The following NKAIN3 variants were observed in gnomAD, a reference collection of about 807,000 sequenced individuals.
The protein encoded by NKAIN3 is sodium/potassium-transporting ATPase subunit beta-1-interacting protein 3.
Under a neutral mutation model 30.2 loss-of-function variants are expected in NKAIN3, and 25 were observed. The ratio of observed to expected loss-of-function variants is 0.83; its 90% CI spans 0.60 to 1.16. NKAIN3 has a LOEUF of 1.16. NKAIN3 is among the 50% of genes most tolerant of loss of function. The probability of loss-of-function intolerance (pLI) is 0.00; values close to 1 mark genes in which losing one functional copy is unlikely to be tolerated. For missense variants in NKAIN3, 225 were observed against 254.1 expected (o/e 0.89, Z 0.78); for synonymous variants, 91 against 89.6 (o/e 1.02, Z -0.09).
chr8:62,855,845 G>C (rs754441586), intron 4 of NKAIN3: 1 of 793,504 alleles, frequency 1.3e-6, no homozygotes, highest in Non-Finnish European at 2.3e-6. Context: ...GAAATTTCTG[G>C]TCATCCAACT....
downstream of NKAIN3, among the ~76,000 whole-genome samples, chr8:62,987,941 T>C (rs955986493): frequency 1.3e-5 from 2 of 152,154 alleles, no homozygotes; most frequent in African/African-American, 4.8e-5. Flanking sequence ...ACTTTCTAGA[T>C]ACAAGGGGAG....
chr8:62,906,872 G>C (rs981212089), intron 4 of NKAIN3, among the ~76,000 whole-genome samples: 1 of 152,176 alleles, frequency 6.6e-6, no homozygotes, highest in Non-Finnish European at 1.5e-5. Context: ...GACTAATACA[G>C]TAAATTGGTG....
At chr8:62,650,243 T>C (rs1194583409) in intron 3 of NKAIN3, among the ~76,000 whole-genome samples, 1 of 152,182 alleles carries the variant, frequency 6.6e-6, no homozygotes, top group Non-Finnish European at 1.5e-5. Flanking sequence ...ACATTTCTCT[T>C]ATCAACCCTT....
At chr8:62,749,725 C>T (rs1210675981) in intron 4 of NKAIN3, among the ~76,000 whole-genome samples, 1 of 143,776 alleles carries the variant, frequency 7.0e-6, no homozygotes, top group Non-Finnish European at 1.5e-5. Flanking sequence ...TCTTGTTGCC[C>T]AGGCTGGAGC....
Position 62,996,831 on chromosome 8 carries a change from G to A in NKAIN3, c.533-2400G>A, listed in dbSNP as rs993337262. On this transcript the variant is annotated intron_variant, in intron 5 of 5. Coordinates refer to the NKAIN3 transcript ENST00000519049. ...CTTTGACTCCATGTCTCACACCCAC[G>A]GTACGCTGATGCAAAGGGTGGGCTC... Among the ~76,000 whole-genome samples the A allele has an allele frequency of 5.3e-5, 8 of 152,292 alleles. No individual in the cohort carries two copies. The East Asian group carries it at 7.7e-4, about 15-fold the overall frequency.
intron 3 of NKAIN3, among the ~76,000 whole-genome samples, chr8:62,673,227 G>T (rs1813364511): frequency 6.6e-6 from 1 of 152,154 alleles, no homozygotes; most frequent in Admixed American, 6.5e-5. Context: ...TTAAACTGCT[G>T]AAAAGCAAAA....
At chr8:62,864,674 C>A (rs915044802) in intron 4 of NKAIN3, among the ~76,000 whole-genome samples, 8 of 152,168 alleles carry the variant, frequency 5.3e-5, no homozygotes, top group Non-Finnish European at 1.2e-4. Flanking sequence ...GAGGGATCAC[C>A]ACTTACTGAC....
chr8:62,372,073 A>G (rs1420175517), intron 1 of NKAIN3, among the ~76,000 whole-genome samples: 1 of 151,982 alleles, frequency 6.6e-6, no homozygotes, highest in African/African-American at 2.4e-5. Flanking sequence ...TGAAAACATA[A>G]TGGTTTTAAT....
At chr8:62,988,347 C>A (rs1011036339), downstream of NKAIN3, among the ~76,000 whole-genome samples, 1 of 152,228 alleles carries the variant, frequency 6.6e-6, no homozygotes, top group Non-Finnish European at 1.5e-5. Context: ...GGCTCCAACC[C>A]CACATTTGCC....
At chr8:62,322,969 A>C (rs1814990537) in intron 1 of NKAIN3, among the ~76,000 whole-genome samples, 1 of 152,236 alleles carries the variant, frequency 6.6e-6, no homozygotes, top group Non-Finnish European at 1.5e-5. Context: ...ATGCAAATTA[A>C]AACAAAGAGA....
At chr8:62,595,128 G>T (rs1412450918) in intron 3 of NKAIN3, among the ~76,000 whole-genome samples, 1 of 151,588 alleles carries the variant, frequency 6.6e-6, no homozygotes, top group Non-Finnish European at 1.5e-5. Flanking sequence ...TTTAAAAATT[G>T]GACTTAATGA....
In NKAIN3 at chr8:62,737,290, G is replaced by T. The variant is rs116458325; in HGVS notation, c.274-9642G>T. Among the ~76,000 whole-genome samples the T allele has an allele frequency of 2.8e-3, 423 of 152,304 alleles. 3 individuals carry two copies. Among genetic ancestry groups the T allele is most frequent in the African/African-American group, 9.8e-3 (408 of 41,574 alleles). On this transcript the variant is annotated intron_variant, in intron 3 of 6. Transcript: ENST00000623646. The stretch of plus-strand genomic sequence containing the variant: ...GATGATAGGAATGAGCAGAAGCATT[G>T]TCATGGTGGAGAAGGACCCTGGTGA...
chr8:62,488,978 C>T (rs1045821017), intron 1 of NKAIN3, among the ~76,000 whole-genome samples: 1 of 152,106 alleles, frequency 6.6e-6, no homozygotes, highest in Non-Finnish European at 1.5e-5. Context: ...GCTAAGTGTT[C>T]AATGAATGCT....
At chr8:62,540,786 C>A (rs1484981565) in intron 1 of NKAIN3, among the ~76,000 whole-genome samples, 2 of 151,410 alleles carry the variant, frequency 1.3e-5, no homozygotes, top group African/African-American at 4.9e-5. Flanking sequence ...ATGTCTTTTG[C>A]ATTTTTGGTT....
chr8:62,650,084 T>C (rs976454843), intron 3 of NKAIN3, among the ~76,000 whole-genome samples: 2 of 152,112 alleles, frequency 1.3e-5, no homozygotes, highest in African/African-American at 4.8e-5. Flanking sequence ...AAAAAAAAAC[T>C]GCATTTTGAT....
At position 62,850,097 on chromosome 8, in the gene NKAIN3, C is replaced by T. The variant is rs111739867; in HGVS notation, c.472-68356C>T. ...CAGAGTAAAAGTGATCCTATTTCTC[C>T]AGATCCTCTCCAGCACCTGTTGTTT... On this transcript the variant is annotated intron_variant, in intron 4 of 6. Transcript: ENST00000623646. Among the ~76,000 whole-genome samples the T allele has an allele frequency of 3.6e-3, 547 of 152,204 alleles. 7 individuals are homozygous for T. Among genetic ancestry groups the T allele is most frequent in the African/African-American group, 0.011 (462 of 41,560 alleles).
At chr8:62,933,200 G>A (rs1822675000) in intron 5 of NKAIN3, among the ~76,000 whole-genome samples, 1 of 152,138 alleles carries the variant, frequency 6.6e-6, no homozygotes, top group Non-Finnish European at 1.5e-5. Context: ...ATTTATAAAA[G>A]AGATCTCAGT....
intron 4 of NKAIN3, among the ~76,000 whole-genome samples, chr8:62,883,097 T>A (rs1261508823): frequency 6.6e-6 from 1 of 152,208 alleles, no homozygotes; most frequent in South Asian, 2.1e-4. Flanking sequence ...ATCCACAAGA[T>A]AACTTTCTGG....
chr8:62,839,045 C>T (rs904256829), intron 4 of NKAIN3, among the ~76,000 whole-genome samples: 2 of 152,000 alleles, frequency 1.3e-5, no homozygotes, highest in South Asian at 4.2e-4. Context: ...TACCTCCCTT[C>T]GTACACACAC....
Sources: gnomAD v4.1 joint callset for allele counts (sites outside exome capture counted in the v4.1 genomes callset) on GRCh38, gnomAD v4.1.1 for gene constraint, MANE v1.5 for transcripts, NCBI Gene and HGNC (gene_info 2026-07-23, HGNC 2026-07-21) for gene names.